TMEM130: variants seen among roughly 807,000 people sequenced by gnomAD.
TMEM130 encodes transmembrane protein 130.
Under a neutral mutation model 42.9 loss-of-function variants are expected in TMEM130, and 37 were observed. That is an observed-to-expected ratio of 0.86 (90% CI 0.66 to 1.13). The LOEUF (loss-of-function observed/expected upper bound fraction) is 1.13. TMEM130 is among the 50% of genes most tolerant of loss of function. The pLI, the probability that TMEM130 is intolerant of heterozygous loss-of-function variation, is 0.00. For missense variants in TMEM130, 545 were observed against 562.6 expected, an observed-to-expected ratio of 0.97 and a Z score of 0.32; for synonymous variants, 259 against 237.7, an observed-to-expected ratio of 1.09 and a Z score of -0.82.
At chr7:98,864,325 C>G (rs1472452771) in intron 1 of TMEM130, among the ~76,000 whole-genome samples, 7 of 151,978 alleles carry the variant, frequency 4.6e-5, no homozygotes, top group Non-Finnish European at 2.9e-5. Flanking sequence ...CCCACCTCAG[C>G]CTGCCAAGTA....
At position 98,855,310 on chromosome 7, in the gene TMEM130, T is replaced by C. The variant is rs1554398796; in HGVS notation, c.733A>G (p.Ile245Val). 1 of 1,612,982 alleles carries C rather than the reference T, an allele frequency of 6.2e-7. No individual in the cohort carries two copies. The highest frequency in any genetic ancestry group is 2.2e-5 in the East Asian group (1 of 44,814). Residue 245 changes from isoleucine to valine, a missense_variant, in exon 5 of 8, where the codon ATC (isoleucine) becomes GTC (valine). Physicochemically the swap from Ile to Val is conservative, Grantham distance 29. Coordinates refer to ENST00000339375, the MANE Select transcript of TMEM130 (RefSeq NM_152913.3). ...ATTAGGGTGGGCCCCAACACTTGGATGCCTCGAAGGGTTTCTGTAAGGCAG... is the reference window on the plus strand; with the variant it reads ...ATTAGGGTGGGCCCCAACACTTGGACGCCTCGAAGGGTTTCTGTAAGGCAG... ...SLKLQETLRG[I>V]QVLGPTLIQT...
chr7:98,861,947 T>C (rs1554399829), intron 2 of TMEM130, among the ~76,000 whole-genome samples: 1 of 152,210 alleles, frequency 6.6e-6, no homozygotes, highest in African/African-American at 2.4e-5. Context: ...TTTGCTTTTT[T>C]AATATGTAAT....
chr7:98,851,518 G>A lies in TMEM130; in HGVS notation c.909C>T (p.His303=). The A allele has an allele frequency of 6.2e-7, 1 of 1,614,178 alleles. No homozygotes were observed. Among genetic ancestry groups the A allele is most frequent in the Non-Finnish European group, 8.5e-7 (1 of 1,180,030 alleles). Reference sequence around the variant, plus strand: ...AGTAGTCCCCAGGGTCCCTGAAGGTGTGGGTCAGGTTGTACGCTGTGCTGG... The same window carrying A: ...AGTAGTCCCCAGGGTCCCTGAAGGTATGGGTCAGGTTGTACGCTGTGCTGG... ...SVASTAYNLT[H]TFRDPGDYCF... Residue 303 remains histidine (H), a synonymous_variant, in exon 6 of 8, where the codon CAC becomes CAT. Coordinates refer to ENST00000339375, the MANE Select transcript of TMEM130 (RefSeq NM_152913.3).
chr7:98,862,843 G>A lies in TMEM130; in HGVS notation c.391+252C>T, dbSNP rs150086127. Among the ~76,000 whole-genome samples, 180 of 152,198 alleles carry A rather than the reference G, an allele frequency of 1.2e-3. 1 individual carries two copies. In the East Asian group the frequency reaches 0.028, roughly 23 times the overall value. ...AACCAACAGTACCTATTGACCAGTC[G>A]CTCTCCACAGGGTTGTATTAATGTA... On this transcript the variant is annotated intron_variant, in intron 2 of 7. Transcript: ENST00000339375.
intron 1 of TMEM130, among the ~76,000 whole-genome samples, chr7:98,868,278 T>C (rs1276261167): frequency 6.6e-6 from 1 of 151,842 alleles, no homozygotes; most frequent in Non-Finnish European, 1.5e-5. Context: ...TGACATGGAG[T>C]TGGGGTATGG....
At chr7:98,865,587 G>C (rs567761404) in intron 1 of TMEM130, among the ~76,000 whole-genome samples, 1 of 151,926 alleles carries the variant, frequency 6.6e-6, no homozygotes, top group Non-Finnish European at 1.5e-5. Flanking sequence ...CAGCCTGGAC[G>C]ACAAGAGCGA....
chr7:98,859,496 C>T (rs1794706596), intron 3 of TMEM130, among the ~76,000 whole-genome samples: 3 of 152,052 alleles, frequency 2.0e-5, no homozygotes, highest in Admixed American at 2.0e-4. Flanking sequence ...GTGGCTGATT[C>T]ACCAGTGTTC....
intron 1 of TMEM130, 73 bp from the exon 2 acceptor site, chr7:98,863,473 G>A: frequency 2.9e-6 from 4 of 1,382,022 alleles, no homozygotes; most frequent in Non-Finnish European, 3.8e-6. Flanking sequence ...CCTCTGGGCT[G>A]GCATCAACTA....
intron 2 of TMEM130, among the ~76,000 whole-genome samples, chr7:98,860,960 A>ATTAGCAGTTCC: frequency 6.6e-6 from 1 of 150,400 alleles, no homozygotes; most frequent in East Asian, 2.0e-4. Flanking sequence ...AAAAAAAAAA[A>ATTAGCAGTTCC]AAAAAGAAGA....
At chr7:98,867,458 CT>C (rs782186280) in intron 1 of TMEM130, among the ~76,000 whole-genome samples, 25 of 152,284 alleles carry the variant, frequency 1.6e-4, no homozygotes, top group Middle Eastern at 3.4e-3. Context: ...CCTGGCACCC[CT>C]CTCCTCCCCA....
chr7:98,848,776 G>C (rs1794425368), intron 6 of TMEM130, 81 bp from the exon 7 acceptor site: 1 of 996,762 alleles, frequency 1.0e-6, no homozygotes. Flanking sequence ...CACAACAAAG[G>C]AGGGAATGGT....
In TMEM130 at chr7:98,863,198, G is replaced by A. The variant is rs1554400112; in HGVS notation, c.288C>T (p.Val96=). ...CCGGGAATTCCCCGGGCACGTGGCC[G>A]ACCACACGGATGGTGGAGCTGAGAC... ...EKGLSSTIRV[V]GHVPGEFPVS... Residue 96 remains valine, a synonymous_variant, in exon 2 of 8, where the codon GTC becomes GTT. Coordinates refer to ENST00000339375, the MANE Select transcript of TMEM130 (RefSeq NM_152913.3). The A allele has an allele frequency of 9.3e-6, 15 of 1,613,994 alleles. No homozygotes were observed. Among genetic ancestry groups the A allele is most frequent in the East Asian group, 2.2e-5 (1 of 44,882 alleles).
chr7:98,862,915 G>C (rs1794817428), intron 2 of TMEM130, among the ~76,000 whole-genome samples, 180 bp downstream of exon 2: 1 of 152,068 alleles, frequency 6.6e-6, no homozygotes, highest in South Asian at 2.1e-4. Context: ...TACCTCCTGG[G>C]GGCAATCACT....
In TMEM130 at chr7:98,848,205, G is replaced by A; in HGVS notation, c.1123C>T (p.Pro375Ser). 2.5e-6 allele frequency: 4 copies of A among 1,613,982 alleles called. No individual in the cohort carries two copies. The highest frequency in any genetic ancestry group is 1.3e-5 in the African/African-American group (1 of 75,008). ...ATQQKDMVEN[P>S]EPPSGVRCCC... is the part of the protein sequence containing the mutation. ...CACCTGACCCCAGAGGGTGGCTCCG[G>A]GTTCTTGTCAGACATGGGGGAAAAG... is the stretch of plus-strand genomic sequence containing the variant. Residue 375 changes from proline (P) to serine (S), a missense_variant, in exon 8 of 8, where the codon CCG becomes TCG. By Grantham distance (74) the Pro-to-Ser change is moderately conservative. Transcript: ENST00000339375.
chr7:98,868,854 A>G (rs1192919607), intron 1 of TMEM130, among the ~76,000 whole-genome samples: 1 of 152,228 alleles, frequency 6.6e-6, no homozygotes, highest in Non-Finnish European at 1.5e-5. Flanking sequence ...TATTTCCAGG[A>G]GGAAATAGGT....
chr7:98,862,436 AAG>A (rs1488416668), intron 2 of TMEM130, among the ~76,000 whole-genome samples: 2 of 150,170 alleles, frequency 1.3e-5, no homozygotes, highest in African/African-American at 4.9e-5. Context: ...AAAGGGGAGA[AAG>A]AGGGGAGAAA....
At chr7:98,851,273 G>T (rs1554398159) in intron 6 of TMEM130, 148 bp downstream of exon 6, 3 of 749,654 alleles carry the variant, frequency 4.0e-6, no homozygotes, top group Non-Finnish European at 4.5e-6. Flanking sequence ...TGGAGTCAGT[G>T]GGGTTATGGA....
intron 6 of TMEM130, among the ~76,000 whole-genome samples, chr7:98,850,686 G>A (rs530043236): frequency 6.6e-6 from 1 of 152,160 alleles, no homozygotes; most frequent in African/African-American, 2.4e-5. Context: ...AGTCCTGGGA[G>A]CCACCATGCC....
At position 98,856,145 on chromosome 7, in the gene TMEM130, T is replaced by C. The variant is rs1794628353; in HGVS notation, c.590A>G (p.Asn197Ser). 6.2e-7 allele frequency: 1 copy of C among 1,613,864 alleles called. No individual in the cohort carries two copies. Among genetic ancestry groups the C allele is most frequent in the Non-Finnish European group, 8.5e-7 (1 of 1,180,026 alleles). ...MVTEDSVVYY[N>S]YSIIGTFTVK... ...GGTGAAGGTCCCGATGATGGAATAG[T>C]TATAATAGACCACGGAGTCTTCAGT... is the stretch of plus-strand genomic sequence containing the variant. Residue 197 changes from asparagine to serine, a missense_variant, in exon 4 of 8, where the codon AAC becomes AGC. Coordinates refer to ENST00000339375, the MANE Select transcript of TMEM130 (RefSeq NM_152913.3).
Sources: gnomAD v4.1 joint callset for allele counts (sites outside exome capture counted in the v4.1 genomes callset) on GRCh38, gnomAD v4.1.1 for gene constraint, MANE v1.5 for transcripts, NCBI Gene and HGNC (gene_info 2026-07-23, HGNC 2026-07-21) for gene names.